The following PPARGC1A variants were observed in gnomAD, a reference collection of about 807,000 sequenced individuals.
PPARGC1A encodes the protein peroxisome proliferator-activated receptor gamma coactivator 1-alpha.
PPARGC1A carries 25 observed loss-of-function variants against 88.7 expected under a neutral mutation model. That is an observed-to-expected ratio of 0.28 (90% CI 0.21 to 0.39). The LOEUF (loss-of-function observed/expected upper bound fraction) is 0.39, where lower values mean the gene tolerates loss of function less well. PPARGC1A is among the 10% of genes least tolerant of loss of function. The pLI is 1.00. For missense variants in PPARGC1A, 880 were observed against 968.7 expected (o/e 0.91, Z 1.22); for synonymous variants, 363 against 355.6 (o/e 1.02, Z -0.24).
the PPARGC1A span, among the ~76,000 whole-genome samples, chr4:24,317,991 GA>G: frequency 6.6e-6 from 1 of 152,320 alleles, no homozygotes; most frequent in South Asian, 2.1e-4. Context: ...GGTAAAAGGT[GA>G]AGTTCTGTCG....
the PPARGC1A span, among the ~76,000 whole-genome samples, chr4:24,057,927 G>T: frequency 6.6e-6 from 1 of 152,222 alleles, no homozygotes; most frequent in African/African-American, 2.4e-5. Context: ...CAGAAGGCAG[G>T]GGGAACGCAT....
the PPARGC1A span, among the ~76,000 whole-genome samples, chr4:24,246,753 C>T: frequency 6.6e-5 from 10 of 152,188 alleles, no homozygotes; most frequent in Non-Finnish European, 1.0e-4. Context: ...ACCCACGGAA[C>T]CATCTTCCGG....
the PPARGC1A span, among the ~76,000 whole-genome samples, chr4:23,954,561 A>G: frequency 1.3e-5 from 2 of 152,052 alleles, no homozygotes; most frequent in African/African-American, 4.8e-5. Flanking sequence ...ATCATATAAC[A>G]TAATTTTAGC....
chr4:24,002,068 TCACACACACA>T, the PPARGC1A span, among the ~76,000 whole-genome samples: 11 of 122,950 alleles, frequency 8.9e-5, no homozygotes, highest in Non-Finnish European at 1.7e-4. Context: ...GATGATAAAT[TCACACACACA>T]CACACACACA....
chr4:23,959,473 G>T, the PPARGC1A span, among the ~76,000 whole-genome samples: 1 of 152,068 alleles, frequency 6.6e-6, no homozygotes. Context: ...TCTACAGAAG[G>T]TGATAATAAG....
chr4:24,275,464 T>C, the PPARGC1A span, among the ~76,000 whole-genome samples: 1 of 152,316 alleles, frequency 6.6e-6, no homozygotes, highest in African/African-American at 2.4e-5. Context: ...TGGAAAAATA[T>C]GTCACATCAT....
chr4:23,950,498 A>G, the PPARGC1A span, among the ~76,000 whole-genome samples: 1 of 152,176 alleles, frequency 6.6e-6, no homozygotes, highest in East Asian at 1.9e-4. Flanking sequence ...AGCCTCTCTC[A>G]GTGCTGAAAG....
chr4:24,344,847 G>A, the PPARGC1A span, among the ~76,000 whole-genome samples: 88 of 152,168 alleles, frequency 5.8e-4, no homozygotes, highest in South Asian at 3.5e-3. Context: ...GTCTAGAAGG[G>A]TTTTTCCAAG....
chr4:24,418,783 C>T, the PPARGC1A span, among the ~76,000 whole-genome samples: 1 of 152,222 alleles, frequency 6.6e-6, no homozygotes, highest in African/African-American at 2.4e-5. Flanking sequence ...TAATTACCAA[C>T]ATACCCTCCA....
At chr4:23,909,703 G>T in the PPARGC1A span, among the ~76,000 whole-genome samples, 1 of 151,662 alleles carries the variant, frequency 6.6e-6, no homozygotes, top group African/African-American at 2.4e-5. Flanking sequence ...CTTTGAAATG[G>T]GCCAAGACCC....
At chr4:24,275,273 C>T in the PPARGC1A span, among the ~76,000 whole-genome samples, 2 of 152,160 alleles carry the variant, frequency 1.3e-5, no homozygotes, top group South Asian at 2.1e-4. Flanking sequence ...ATTACAAAAA[C>T]CAATTTTCTT....
At chr4:24,027,239 G>GTGTGTGTGTC in the PPARGC1A span, among the ~76,000 whole-genome samples, 1 of 151,216 alleles carries the variant, frequency 6.6e-6, no homozygotes, top group Non-Finnish European at 1.5e-5. Flanking sequence ...GTGTGTGTCT[G>GTGTGTGTGTC]TGTGTGTGCG....
intron 10 of PPARGC1A, among the ~76,000 whole-genome samples, chr4:23,804,729 A>T (rs919449663): frequency 2.0e-5 from 3 of 152,148 alleles, no homozygotes; most frequent in African/African-American, 7.2e-5. Flanking sequence ...TTAGTCTAGT[A>T]TATACTGTGC....
At chr4:24,298,905 T>C in the PPARGC1A span, among the ~76,000 whole-genome samples, 1 of 152,170 alleles carries the variant, frequency 6.6e-6, no homozygotes, top group Non-Finnish European at 1.5e-5. Context: ...ACAGCATTTA[T>C]ACTACATATG....
At chr4:23,913,257 T>TAGAG in the PPARGC1A span, among the ~76,000 whole-genome samples, 10 of 46,102 alleles carry the variant, frequency 2.2e-4, no homozygotes, top group Non-Finnish European at 3.3e-4. Context: ...TATATATATA[T>TAGAG]ATATATATAT....
At chr4:24,216,372 A>G in the PPARGC1A span, among the ~76,000 whole-genome samples, 5,610 of 151,978 alleles carry the variant, frequency 0.037, 380 homozygotes, top group African/African-American at 0.13. Flanking sequence ...GGTCTCAAAC[A>G]CCTGGGCTCA....
chr4:23,935,494 A>G, the PPARGC1A span, among the ~76,000 whole-genome samples: 3 of 152,140 alleles, frequency 2.0e-5, no homozygotes, highest in Non-Finnish European at 4.4e-5. Flanking sequence ...GTAGATATCA[A>G]TTTTTGTATC....
the PPARGC1A span, among the ~76,000 whole-genome samples, chr4:24,076,833 C>T: frequency 2.0e-5 from 3 of 152,074 alleles, no homozygotes; most frequent in Non-Finnish European, 4.4e-5. Flanking sequence ...CTTCATCATC[C>T]CAATATAGTT....
chr4:23,902,903 A>G (rs1427886690), upstream of PPARGC1A, among the ~76,000 whole-genome samples: 10 of 152,314 alleles, frequency 6.6e-5, no homozygotes, highest in East Asian at 1.7e-3. Context: ...ATTAATCTCA[A>G]GGCAGTGCTG....
Sources: allele counts gnomAD v4.1 joint callset (sites outside exome capture counted in the v4.1 genomes callset), GRCh38; gene constraint gnomAD v4.1.1; transcripts MANE v1.5; gene names NCBI Gene and HGNC (gene_info 2026-07-23, HGNC 2026-07-21).